The following RTL1 variants were observed in gnomAD, a reference collection of about 807,000 sequenced individuals.
RTL1 encodes the protein retrotransposon-like protein 1.
For missense variants in RTL1, 1,681 were observed against 1,767.5 expected (o/e 0.95, Z 0.88); for synonymous variants, 727 against 748.4 (o/e 0.97, Z 0.47).
chr14:100,889,754 G>A (rs1473365148), intron 3 of RTL1: 1 of 151,694 alleles, frequency 6.6e-6, no homozygotes, highest in African/African-American at 2.4e-5. Context: ...TACCCCACTG[G>A]AGGTGAGTGA....
At chr14:100,888,457 CCTTTATTGGCTT>C (rs374034865) in intron 3 of RTL1, among the ~76,000 whole-genome samples, 14,930 of 152,056 alleles carry the variant, frequency 0.098, 956 homozygotes, top group Middle Eastern at 0.15. Context: ...TGCTGTAAGC[CCTTTATTGGCTT>C]AAATCCAAAG....
At position 100,882,410 on chromosome 14, in the gene RTL1, G is replaced by T; in HGVS notation, c.2379C>A (p.Val793=). The change falls in exon 4 of 4, where the codon GTC becomes GTA. Residue 793 remains valine, a synonymous_variant. Transcript: ENST00000649591. ...TPKGVKLNKN[V]MTIITGYPTP... ...TAGGGTACCCTGTTATGATGGTCAT[G>T]ACGTTCTTGTTCAGTTTCACCCCTT... 6.4e-7 allele frequency: 1 copy of T among 1,551,994 alleles called. No homozygotes were observed. The highest frequency in any genetic ancestry group is 1.2e-5 in the South Asian group (1 of 84,056).
chr14:100,899,755 T>C (rs2038916901), intron 2 of RTL1, among the ~76,000 whole-genome samples: 1 of 150,396 alleles, frequency 6.6e-6, no homozygotes, highest in African/African-American at 2.4e-5. Flanking sequence ...CACAGGGCTA[T>C]TGAGATCTCA....
At position 100,882,924 on chromosome 14, in the gene RTL1, C is replaced by T. The variant is rs1175512774; in HGVS notation, c.1865G>A (p.Arg622Lys). The part of the protein sequence containing the change: ...STAPWEPVGA[R>K]MQERARLQEE... The stretch of plus-strand genomic sequence containing the variant: ...CTGTAGCCTGGCTCTTTCTTGCATC[C>T]TGGCACCCACAGGTTCCCAAGGCGC... The change falls in exon 4 of 4, where the codon AGG becomes AAG. Residue 622 changes from arginine (R) to lysine (K), a missense_variant. Physicochemically the swap from Arg to Lys is conservative, Grantham distance 26 (BLOSUM62 2). Transcript: ENST00000649591. 6.2e-7 allele frequency: 1 copy of T among 1,610,400 alleles called. No homozygotes were observed. Among genetic ancestry groups the T allele is most frequent in the African/African-American group, 1.3e-5 (1 of 74,988 alleles).
Position 100,903,595 on chromosome 14 carries a change from C to T in RTL1, c.-245+10G>A, listed in dbSNP as rs1241407820. Among the ~76,000 whole-genome samples the T allele has an allele frequency of 6.6e-6, 1 of 152,156 alleles. No individual in the cohort carries two copies. Among genetic ancestry groups the T allele is most frequent in the Non-Finnish European group, 1.5e-5 (1 of 68,028 alleles). The stretch of plus-strand genomic sequence containing the variant: ...AACTGAGGCACAGAAAGGCAAAGTC[C>T]TATACTCACCGTCTCTCAGCTGGTG... On this transcript the variant is annotated intron_variant, in intron 1 of 3. Transcript: ENST00000649591.
chr14:100,890,049 T>G (rs966182775), intron 3 of RTL1, among the ~76,000 whole-genome samples: 3 of 138,552 alleles, frequency 2.2e-5, no homozygotes, highest in Non-Finnish European at 4.7e-5. Flanking sequence ...AAATATCTAC[T>G]GATTTGAAAA....
At chr14:100,895,338 G>T (rs923814201) in intron 2 of RTL1, among the ~76,000 whole-genome samples, 1 of 152,094 alleles carries the variant, frequency 6.6e-6, no homozygotes, top group African/African-American at 2.4e-5. Flanking sequence ...TTTGCTTAGG[G>T]GAGATGGATG....
chr14:100,884,205 A>T lies in RTL1; in HGVS notation c.584T>A (p.Ile195Asn), dbSNP rs2038664163. Residue 195 changes from isoleucine (I) to asparagine (N), a missense_variant, in exon 4 of 4, where the codon ATC (isoleucine) becomes AAC (asparagine). Ile to Asn is a moderately radical substitution (Grantham distance 149, BLOSUM62 -3). Coordinates refer to ENST00000649591, the MANE Select transcript of RTL1 (RefSeq NM_001134888.3). ...RVAEEILIKG[I>N]NAGQLPAPKH... ...TGGGGCGGGCAGTTGGCCTGCATTG[A>T]TCCCTTTGATCAAGATCTCTTCTGC... is the stretch of plus-strand genomic sequence containing the variant. 11 of 1,551,662 alleles carry T rather than the reference A, an allele frequency of 7.1e-6. No individual in the cohort carries two copies. Among genetic ancestry groups the T allele is most frequent in the Non-Finnish European group, 1.7e-6 (2 of 1,146,984 alleles).
intron 2 of RTL1, among the ~76,000 whole-genome samples, chr14:100,902,454 A>G (rs1191234341): frequency 1.3e-5 from 2 of 152,212 alleles, no homozygotes; most frequent in Non-Finnish European, 2.9e-5. Flanking sequence ...TCCTGGGGCC[A>G]GCTGCTCCAT....
intron 3 of RTL1, among the ~76,000 whole-genome samples, chr14:100,891,040 A>T (rs936891244): frequency 6.6e-6 from 1 of 151,904 alleles, no homozygotes; most frequent in African/African-American, 2.4e-5. Flanking sequence ...ACTTGATGGG[A>T]CTTGGTGAGG....
At position 100,880,981 on chromosome 14, in the gene RTL1, T is replaced by G; in HGVS notation, c.3808A>C (p.Ser1270Arg). 1.9e-6 allele frequency: 3 copies of G among 1,560,048 alleles called. No individual in the cohort carries two copies. The highest frequency in any genetic ancestry group is 2.6e-6 in the Non-Finnish European group (3 of 1,152,686). The change falls in exon 4 of 4, where the codon AGC becomes CGC. Residue 1270 changes from serine (S) to arginine (R), a missense_variant. Physicochemically the swap from Ser to Arg is moderately radical, Grantham distance 110. Transcript: ENST00000649591. ...QDNDVQEAPP[S>R]HTAATHPPRP... ...GGTGGGTGGGTGGCTGCTGTGTGGC[T>G]GGGTGGGGCCTCCTGCACGTCGTTG... is the stretch of plus-strand genomic sequence containing the variant.
chr14:100,900,779 G>T (rs538133050), intron 2 of RTL1, among the ~76,000 whole-genome samples: 82 of 152,264 alleles, frequency 5.4e-4, no homozygotes, highest in Non-Finnish European at 1.0e-3. Context: ...TCCCATGTGG[G>T]TGCCTCTTGT....
Position 100,884,106 on chromosome 14 carries a change from G to A in RTL1, c.683C>T (p.Pro228Leu). The change falls in exon 4 of 4, where the codon CCA becomes CTA. Residue 228 changes from proline (P) to leucine (L), a missense_variant. Physicochemically the swap from Pro to Leu is moderately conservative, Grantham distance 98. Transcript: ENST00000649591. The part of the protein sequence containing the change: ...VLCQLTLQSY[P>L]RMFYNDRLRV... The stretch of plus-strand genomic sequence containing the variant: ...CAGACGGTCGTTATAGAACATTCTT[G>A]GGTAGCTCTGTAAGGTCAGTTGGCA... 8 of 1,551,692 alleles carry A rather than the reference G, an allele frequency of 5.2e-6. No homozygotes were observed. The highest frequency in any genetic ancestry group is 7.0e-6 in the Non-Finnish European group (8 of 1,147,000).
chr14:100,886,223 A>AT (rs1335676926), intron 3 of RTL1, among the ~76,000 whole-genome samples: 1 of 152,046 alleles, frequency 6.6e-6, no homozygotes, highest in Non-Finnish European at 1.5e-5. Context: ...GTAAAAAAAA[A>AT]AAAAAAAACT....
intron 2 of RTL1, among the ~76,000 whole-genome samples, chr14:100,900,072 A>C (rs974656454): frequency 3.3e-5 from 5 of 152,264 alleles, no homozygotes; most frequent in African/African-American, 1.2e-4. Context: ...GGGTTTCCCG[A>C]AAAGTTTGGT....
At chr14:100,899,491 G>A (rs2038913059) in intron 2 of RTL1, among the ~76,000 whole-genome samples, 1 of 152,188 alleles carries the variant, frequency 6.6e-6, no homozygotes, top group African/African-American at 2.4e-5. Context: ...GAGAGGAGCT[G>A]TGAGGCCAAG....
At chr14:100,899,436 C>A (rs1156344280) in intron 2 of RTL1, among the ~76,000 whole-genome samples, 2 of 152,050 alleles carry the variant, frequency 1.3e-5, no homozygotes, top group Non-Finnish European at 2.9e-5. Flanking sequence ...AGTGCTGGGA[C>A]CTTTGGGACC....
chr14:100,900,482 C>T (rs932280978), intron 2 of RTL1, among the ~76,000 whole-genome samples: 4 of 152,214 alleles, frequency 2.6e-5, no homozygotes, highest in South Asian at 2.1e-4. Context: ...TATTTCTCTG[C>T]GGCCATATGT....
rs2038583008 is a variant in RTL1 at position 100,879,925 on chromosome 14, A to G, written c.*787T>C. Among the ~76,000 whole-genome samples the G allele has an allele frequency of 6.6e-6, 1 of 151,638 alleles. No individual in the cohort carries two copies. The highest frequency in any genetic ancestry group is 2.4e-5 in the African/African-American group (1 of 41,260). On this transcript the variant is annotated 3_prime_UTR_variant, in exon 4 of 4. Coordinates refer to ENST00000649591, the MANE Select transcript of RTL1 (RefSeq NM_001134888.3). The stretch of plus-strand genomic sequence containing the variant: ...CCTTCTGGGACTCCATCCCTGTATG[A>G]GGGGCCCCTGCACCCCTGCACTGTC...
Sources: allele counts gnomAD v4.1 joint callset (sites outside exome capture counted in the v4.1 genomes callset), GRCh38; gene constraint gnomAD v4.1.1; transcripts MANE v1.5; gene names NCBI Gene and HGNC (gene_info 2026-07-23, HGNC 2026-07-21).